The following SLC5A6 variants were observed in gnomAD, a reference collection of about 807,000 sequenced individuals.
SLC5A6 encodes sodium-dependent multivitamin transporter.
In SLC5A6, 31 loss-of-function variants were observed where a neutral mutation model predicts 67.9. The observed-to-expected ratio is 0.46, with a 90% CI of 0.34 to 0.62. The LOEUF (loss-of-function observed/expected upper bound fraction) is 0.62. Among genes scored for constraint, SLC5A6 ranks in the 20% least tolerant of loss-of-function variants. SLC5A6 has a pLI of 0.01. For missense variants in SLC5A6, 673 were observed against 812.8 expected, an observed-to-expected ratio of 0.83 and a Z score of 2.09; for synonymous variants, 343 against 331.0, an observed-to-expected ratio of 1.04 and a Z score of -0.39.
At chr2:27,210,814 G>C (rs929097688) in intron 2 of SLC5A6, among the ~76,000 whole-genome samples, 1 of 151,964 alleles carries the variant, frequency 6.6e-6, no homozygotes, top group Non-Finnish European at 1.5e-5. Context: ...ACGAGGTCAG[G>C]AGATCGAGAC....
At position 27,205,397 on chromosome 2, in the gene SLC5A6, C is replaced by A; in HGVS notation, c.687G>T (p.Gly229=). Residue 229 remains glycine, a synonymous_variant, in exon 7 of 17, where the codon GGG becomes GGT. Transcript: ENST00000310574. ...IVGSAKVGGL[G]RVWAVASQHG... is the part of the protein sequence containing the mutation. ...GCTGGGAAGCCACGGCCCACACACGCCCCAAGCCGCCCACCTTGGCTGACC... is the reference window on the plus strand; with the variant it reads ...GCTGGGAAGCCACGGCCCACACACGACCCAAGCCGCCCACCTTGGCTGACC... 2 of 1,614,188 alleles carry A rather than the reference C, an allele frequency of 1.2e-6. No homozygotes were observed. Among genetic ancestry groups the A allele is most frequent in the Non-Finnish European group, 8.5e-7 (1 of 1,180,024 alleles).
rs1673756186 is a variant in SLC5A6, at chr2:27,202,817, A to C, written c.1271T>G (p.Leu424Arg). Residue 424 changes from leucine to arginine, a missense_variant, in exon 12 of 17, where the codon CTG (leucine) becomes CGG (arginine). By Grantham distance (102) the Leu-to-Arg change is moderately radical. Coordinates refer to ENST00000310574, the MANE Select transcript of SLC5A6 (RefSeq NM_021095.4). ...CCTACCCTCTATAGTTATTACCTGC[A>C]GCACAGGTCCCATCTGGGAGGAAAT... is the stretch of plus-strand genomic sequence containing the variant. ...AYISSQMGPVLQAAISIFGMV... is the reference protein window; with the variant it reads ...AYISSQMGPVRQAAISIFGMV... The C allele has an allele frequency of 6.2e-7, 1 of 1,612,990 alleles. No individual in the cohort carries two copies. The highest frequency in any genetic ancestry group is 1.7e-5 in the Admixed American group (1 of 59,984).
At chr2:27,206,702 G>A (rs555721920) in intron 4 of SLC5A6, among the ~76,000 whole-genome samples, 168 bp from the exon 5 acceptor site, 1 of 152,304 alleles carries the variant, frequency 6.6e-6, no homozygotes, top group South Asian at 2.1e-4. Context: ...TATCTGTGCT[G>A]GAATTGGAAG....
rs929193610 is a variant in SLC5A6 at position 27,204,518 on chromosome 2, G to A, written c.948C>T (p.Phe316=). 15 of 1,613,844 alleles carry A rather than the reference G, an allele frequency of 9.3e-6. No homozygotes were observed. Among genetic ancestry groups the A allele is most frequent in the South Asian group, 3.3e-5 (3 of 91,062 alleles). ...TCATGGGATACTCCTGGTAATACGC[G>A]AACATGACCAGGCCAATGAGGCAGC... is the stretch of plus-strand genomic sequence containing the variant. The part of the protein sequence containing the change: ...CVGCLIGLVM[F]AYYQEYPMSI... Residue 316 remains phenylalanine (F), a synonymous_variant, in exon 9 of 17, where the codon TTC becomes TTT. Transcript: ENST00000310574.
At chr2:27,205,279 A>G (rs1298361) in intron 7 of SLC5A6, 71 bp downstream of exon 7, 1,501,802 of 1,503,370 alleles carry the variant, frequency 1, 750,125 homozygotes, top group East Asian at 1. Flanking sequence ...TACTATAGCC[A>G]AGACCAGCCT....
In SLC5A6 at chr2:27,201,766, T is replaced by C; in HGVS notation, c.1444A>G (p.Ser482Gly). ...IGSIVTSMGS[S>G]MPPSPSNGSS... Reference sequence around the variant, plus strand: ...CCATTAGAGGGAGAGGGTGGCATGCTGGAGCCCATGCTGGTCACGATGCTC... The same window carrying C: ...CCATTAGAGGGAGAGGGTGGCATGCCGGAGCCCATGCTGGTCACGATGCTC... The change falls in exon 14 of 17, where the codon AGC becomes GGC. Residue 482 changes from serine to glycine, a missense_variant. Physicochemically the swap from Ser to Gly is moderately conservative, Grantham distance 56. Coordinates refer to ENST00000310574, the MANE Select transcript of SLC5A6 (RefSeq NM_021095.4). 2 of 1,614,084 alleles carry C rather than the reference T, an allele frequency of 1.2e-6. No homozygotes were observed. The highest frequency in any genetic ancestry group is 2.2e-5 in the East Asian group (1 of 44,878).
chr2:27,208,932 G>A (rs1343816000), intron 2 of SLC5A6, among the ~76,000 whole-genome samples: 1 of 152,162 alleles, frequency 6.6e-6, no homozygotes, highest in Non-Finnish European at 1.5e-5. Context: ...TGGAAAGAAG[G>A]AACTGAAAAC....
rs1200354617 is a variant in SLC5A6 at position 27,201,124 on chromosome 2, A to G, written c.1649-11T>C. On this transcript the variant is annotated splice_polypyrimidine_tract_variant and intron_variant, in intron 15 of 16. Transcript: ENST00000310574. ...GGCCTCGCATTCTCCCTGAATGGAA[A>G]TGTGCTTCTGAGTCTCTGGGTGGAA... is the stretch of plus-strand genomic sequence containing the variant. 1 of 1,598,404 alleles carries G rather than the reference A, an allele frequency of 6.3e-7. No individual in the cohort carries two copies.
intron 8 of SLC5A6, 24 bp downstream of exon 8, chr2:27,204,767 C>T: frequency 6.2e-7 from 1 of 1,614,062 alleles, no homozygotes; most frequent in Non-Finnish European, 8.5e-7. Context: ...CCTTGCTCCA[C>T]TCCCTTCCTG....
In SLC5A6 at chr2:27,207,611, T is replaced by C. The variant is rs765175870; in HGVS notation, c.40A>G (p.Thr14Ala). 6.2e-7 allele frequency: 1 copy of C among 1,613,996 alleles called. No homozygotes were observed. The highest frequency in any genetic ancestry group is 1.1e-5 in the South Asian group (1 of 91,064). The change falls in exon 3 of 17, where the codon ACC (threonine) becomes GCC (alanine). Residue 14 changes from threonine to alanine, a missense_variant. By Grantham distance (58) the Thr-to-Ala change is moderately conservative. Coordinates refer to ENST00000310574, the MANE Select transcript of SLC5A6 (RefSeq NM_021095.4). The surrounding 1 kb of genome is among the most constrained non-coding windows in gnomAD (Gnocchi z 5.5). ...GACATGCCCACGCTTGTGCCCGAGGTTGGGGAAAGAGGGGCTGAGGTGCTC... is the reference window on the plus strand; with the variant it reads ...GACATGCCCACGCTTGTGCCCGAGGCTGGGGAAAGAGGGGCTGAGGTGCTC... Reference protein sequence around the residue: ...GVSTSAPLSPTSGTSVGMSTF... With the variant: ...GVSTSAPLSPASGTSVGMSTF...
At chr2:27,211,997 G>GCCCGCCCCC in intron 1 of SLC5A6, 23 bp downstream of exon 1, 3 of 400,530 alleles carry the variant, frequency 7.5e-6, no homozygotes, top group Non-Finnish European at 1.2e-5. Flanking sequence ...TGCCCGCCCC[G>GCCCGCCCCC]CTCGCCGTGC....
chr2:27,202,672 A>C (rs1558505052), intron 12 of SLC5A6, 141 bp downstream of exon 12: 7 of 788,286 alleles, frequency 8.9e-6, no homozygotes, highest in Non-Finnish European at 1.6e-5. Context: ...GTCTGTTCAC[A>C]GTAAAGACGG....
chr2:27,211,295 G>C (rs1012265764), intron 2 of SLC5A6, among the ~76,000 whole-genome samples, 172 bp downstream of exon 2: 3 of 152,200 alleles, frequency 2.0e-5, no homozygotes, highest in Non-Finnish European at 4.4e-5. Flanking sequence ...AGACACCATG[G>C]GGGTAATGTG....
At chr2:27,206,973 T>A in intron 3 of SLC5A6, 31 bp from the exon 4 acceptor site, 1 of 1,560,702 alleles carries the variant, frequency 6.4e-7, no homozygotes, top group African/African-American at 1.4e-5. Flanking sequence ...ATTTTTCTCC[T>A]GACTTCACCC....
At chr2:27,212,504 T>G (rs370704734), upstream of SLC5A6, 816 of 1,537,924 alleles carry the variant, frequency 5.3e-4, 1 homozygote, top group African/African-American at 9.6e-3. Flanking sequence ...TGAAGCAGGG[T>G]CGCTGGCCAG....
At position 27,209,484 on chromosome 2, in the gene SLC5A6, G is replaced by A. The variant is rs149353680; in HGVS notation, c.-140-1694C>T. On this transcript the variant is annotated intron_variant, in intron 2 of 16. Transcript: ENST00000310574. ...TCTCCAGTTAACACAAGAAAACTGAGAGATTAAATAACTTGCTCAAGGTTA... is the reference window on the plus strand; with the variant it reads ...TCTCCAGTTAACACAAGAAAACTGAAAGATTAAATAACTTGCTCAAGGTTA... 5.9e-5 allele frequency among the ~76,000 whole-genome samples: 9 copies of A among 152,288 alleles called. No individual in the cohort carries two copies. In the East Asian group the frequency reaches 1.7e-3, roughly 29 times the overall value.
chr2:27,211,996 C>T (rs996044217), intron 1 of SLC5A6, 24 bp downstream of exon 1: 1 of 640,952 alleles, frequency 1.6e-6, no homozygotes, highest in Non-Finnish European at 2.4e-6. Context: ...CTGCCCGCCC[C>T]GCTCGCCGTG....
chr2:27,204,757 C>T, intron 8 of SLC5A6, 34 bp downstream of exon 8: 1 of 1,613,780 alleles, frequency 6.2e-7, no homozygotes, highest in Non-Finnish European at 8.5e-7. Flanking sequence ...TTCCCCTAGA[C>T]CTTGCTCCAC....
rs1310662577 is a variant in SLC5A6 at position 27,204,541 on chromosome 2, A to C, written c.925T>G (p.Cys309Gly). The C allele has an allele frequency of 7.4e-6, 12 of 1,614,126 alleles. No homozygotes were observed. Among genetic ancestry groups the C allele is most frequent in the Non-Finnish European group, 9.3e-6 (11 of 1,179,984 alleles). Residue 309 changes from cysteine to glycine, a missense_variant, in exon 9 of 17, where the codon TGC becomes GGC. Cys to Gly is a radical substitution (Grantham distance 159). Transcript: ENST00000310574. ...PFQQVSLCVG[C>G]LIGLVMFAYY... ...GCGAACATGACCAGGCCAATGAGGC[A>C]GCCCACGCAGAGGGACACCTGCTGG...
Sources: allele counts gnomAD v4.1 joint callset (sites outside exome capture counted in the v4.1 genomes callset), GRCh38; gene constraint gnomAD v4.1.1; non-coding constraint Gnocchi (gnomAD v3.1); transcripts MANE v1.5; gene names NCBI Gene and HGNC (gene_info 2026-07-23, HGNC 2026-07-21).